The following GPC6 variants were observed in gnomAD, a reference collection of about 807,000 sequenced individuals.
The protein encoded by GPC6 is glypican 6, also known as glypican-6.
Under a neutral mutation model 55.2 loss-of-function variants are expected in GPC6, and 14 were observed. That is an observed-to-expected ratio of 0.25 (90% CI 0.17 to 0.40). GPC6 has a LOEUF of 0.40. GPC6 is among the 10% of genes least tolerant of loss of function. The probability of loss-of-function intolerance (pLI) is 1.00; values close to 1 mark genes in which losing one functional copy is unlikely to be tolerated. For synonymous variants in GPC6, 278 were observed against 259.6 expected, an observed-to-expected ratio of 1.07 and a Z score of -0.68; for missense variants, 641 against 708.5, an observed-to-expected ratio of 0.90 and a Z score of 1.08.
At chr13:94,032,288 A>G (rs892393967) in intron 4 of GPC6, among the ~76,000 whole-genome samples, 1 of 152,210 alleles carries the variant, frequency 6.6e-6, no homozygotes, top group Admixed American at 6.5e-5. Context: ...AAACTATGAC[A>G]AAGTGTTAGG....
chr13:93,926,879 A>C (rs1877887854), intron 3 of GPC6, among the ~76,000 whole-genome samples: 1 of 152,188 alleles, frequency 6.6e-6, no homozygotes, highest in African/African-American at 2.4e-5. Flanking sequence ...ACCAGAGCTT[A>C]TGCGAACATG....
intron 3 of GPC6, among the ~76,000 whole-genome samples, chr13:94,021,841 A>C (rs1882706542): frequency 1.3e-5 from 2 of 152,098 alleles, no homozygotes; most frequent in African/African-American, 2.4e-5. Context: ...AATTCTTATC[A>C]AAATCTCACT....
chr13:93,953,750 A>G (rs1855086532), intron 3 of GPC6, among the ~76,000 whole-genome samples: 1 of 152,184 alleles, frequency 6.6e-6, no homozygotes, highest in Non-Finnish European at 1.5e-5. Context: ...CATCTTCTCA[A>G]TGCCCAGCTC....
intron 4 of GPC6, among the ~76,000 whole-genome samples, chr13:94,166,463 A>G (rs1463205524): frequency 2.6e-5 from 4 of 152,102 alleles, no homozygotes; most frequent in Non-Finnish European, 5.9e-5. Context: ...ACTCTCCATA[A>G]TAGGCCTGCG....
Position 93,830,612 on chromosome 13 carries a change from T to TAAA in GPC6, c.711+91_711+93dup, listed in dbSNP as rs369020255. On this transcript the variant is annotated intron_variant, in intron 3 of 8. Transcript: ENST00000377047. ...TTATTCTGTTTTTAAAACCAATGTT[T>TAAA]AAAAAAAAAAAAAAAAAAAAAAAAA... 1,851 of 325,706 alleles carry TAAA rather than the reference T, an allele frequency of 5.7e-3. 5 individuals carry two copies. The highest frequency in any genetic ancestry group is 0.01 in the South Asian group (352 of 33,676). The allele number at this position is 325,706 out of a possible 1,614,324, so 20.2% of individuals were successfully genotyped here.
At chr13:93,662,887 T>G (rs935202032) in intron 2 of GPC6, among the ~76,000 whole-genome samples, 2 of 152,060 alleles carry the variant, frequency 1.3e-5, no homozygotes, top group African/African-American at 4.8e-5. Context: ...CACCTAGGCA[T>G]GTGCCCTGAT....
intron 1 of GPC6, among the ~76,000 whole-genome samples, chr13:93,376,304 C>T (rs1363473380): frequency 1.3e-5 from 2 of 152,054 alleles, no homozygotes; most frequent in East Asian, 1.9e-4. Flanking sequence ...CTTTTATTCA[C>T]AATATCCATA....
intron 2 of GPC6, among the ~76,000 whole-genome samples, chr13:93,806,174 C>T (rs1177581527): frequency 2.0e-5 from 3 of 152,012 alleles, no homozygotes; most frequent in Non-Finnish European, 4.4e-5. Context: ...GGAAAATAAC[C>T]GGGAATGGAG....
intron 2 of GPC6, among the ~76,000 whole-genome samples, chr13:93,802,377 CA>C (rs1374468998): frequency 6.6e-6 from 1 of 150,828 alleles, no homozygotes; most frequent in Non-Finnish European, 1.5e-5. Context: ...ATCTAATTGT[CA>C]AAATAAAGCA....
intron 3 of GPC6, among the ~76,000 whole-genome samples, chr13:93,880,150 A>G (rs1306721318): frequency 8.6e-5 from 13 of 151,852 alleles, no homozygotes; most frequent in African/African-American, 3.1e-4. Flanking sequence ...TGTGGAAGTC[A>G]GTGTGGCGAT....
At chr13:93,803,253 A>G (rs1951685631) in intron 2 of GPC6, among the ~76,000 whole-genome samples, 2 of 152,188 alleles carry the variant, frequency 1.3e-5, no homozygotes, top group African/African-American at 4.8e-5. Flanking sequence ...TGCCACAACA[A>G]TGAAAAGACA....
In GPC6 at chr13:93,740,581, G is replaced by T. The variant is rs562754779; in HGVS notation, c.320-89573G>T. On this transcript the variant is annotated intron_variant, in intron 2 of 8. Transcript: ENST00000377047. ...AGTTTAATATTACAATTGCTCTGTT[G>T]TACCATGACAGTATCACATTTGCTA... Among the ~76,000 whole-genome samples the T allele has an allele frequency of 3.9e-5, 6 of 152,260 alleles. No individual in the cohort carries two copies. In the South Asian group the frequency reaches 1.2e-3, roughly 32 times the overall value.
At chr13:93,465,047 C>T (rs1339540449) in intron 1 of GPC6, among the ~76,000 whole-genome samples, 2 of 152,184 alleles carry the variant, frequency 1.3e-5, no homozygotes, top group Non-Finnish European at 2.9e-5. Flanking sequence ...TTTTTCTGAA[C>T]AGTACATCTC....
chr13:93,859,201 C>G (rs1298943287), intron 3 of GPC6, among the ~76,000 whole-genome samples: 1 of 151,550 alleles, frequency 6.6e-6, no homozygotes, highest in Non-Finnish European at 1.5e-5. Context: ...TAAACAGTAT[C>G]TATCTTTTAA....
At chr13:94,137,398 A>G (rs2138875310) in intron 4 of GPC6, among the ~76,000 whole-genome samples, 1 of 152,246 alleles carries the variant, frequency 6.6e-6, no homozygotes, top group South Asian at 2.1e-4. Flanking sequence ...GATTTGTGAC[A>G]ATTGCTGCAA....
At chr13:93,833,580 T>C (rs1887613761) in intron 3 of GPC6, among the ~76,000 whole-genome samples, 2 of 152,134 alleles carry the variant, frequency 1.3e-5, no homozygotes, top group Admixed American at 1.3e-4. Flanking sequence ...ATTTTTTTTT[T>C]TCTCTTCAGT....
At chr13:94,129,199 A>G (rs1046867683) in intron 4 of GPC6, among the ~76,000 whole-genome samples, 1 of 152,158 alleles carries the variant, frequency 6.6e-6, no homozygotes, top group East Asian at 1.9e-4. Flanking sequence ...AAATAATGAG[A>G]AATCTCAGGG....
At chr13:93,231,379 ACATATATATATATATAT>A (rs1566533477) in intron 1 of GPC6, among the ~76,000 whole-genome samples, 19 of 17,048 alleles carry the variant, frequency 1.1e-3, no homozygotes, top group African/African-American at 4.4e-3. Context: ...ATATATATAT[ACATATATATATATATAT>A]GTATATATAT....
chr13:94,094,259 A>G (rs1594731189), intron 4 of GPC6, among the ~76,000 whole-genome samples: 2 of 152,214 alleles, frequency 1.3e-5, no homozygotes, highest in East Asian at 1.9e-4. Context: ...CAGGAGAGCA[A>G]TAGTGCTAGA....
Sources: allele counts gnomAD v4.1 joint callset (sites outside exome capture counted in the v4.1 genomes callset), GRCh38; gene constraint gnomAD v4.1.1; transcripts MANE v1.5; gene names NCBI Gene and HGNC (gene_info 2026-07-23, HGNC 2026-07-21).